PSMG2: variants seen among roughly 807,000 people sequenced by gnomAD.
The protein encoded by PSMG2 is CD40 ligand-activated specific transcript 3.
A neutral mutation model predicts 31.5 loss-of-function variants in PSMG2; 21 were observed. The observed-to-expected ratio is 0.67, with a 90% CI of 0.47 to 0.96. The LOEUF (loss-of-function observed/expected upper bound fraction) is 0.96, where lower values mean the gene tolerates loss of function less well. PSMG2 is among the 40% of genes least tolerant of loss of function. The probability of loss-of-function intolerance (pLI) is 0.00; values close to 1 mark genes in which losing one functional copy is unlikely to be tolerated. For missense variants in PSMG2, 318 were observed against 321.2 expected, an observed-to-expected ratio of 0.99 and a Z score of 0.08; for synonymous variants, 120 against 110.4, an observed-to-expected ratio of 1.09 and a Z score of -0.54.
At chr18:12,691,974 C>T (rs1040435197) in intron 1 of PSMG2, among the ~76,000 whole-genome samples, 1 of 152,112 alleles carries the variant, frequency 6.6e-6, no homozygotes, top group African/African-American at 2.4e-5. Flanking sequence ...CCGCCTTGGC[C>T]TCCCAAAGTG....
Position 12,718,631 on chromosome 18 carries a change from C to T in PSMG2, c.403C>T (p.Arg135Cys), listed in dbSNP as rs201518631. ...HSYQRNDLQL[R>C]STPFRYLLTP... is the part of the protein sequence containing the mutation. Reference sequence around the variant, plus strand: ...ATATCAGCGTAATGATCTGCAGCTTCGTAGGTATGTTTCTGCCTCTGGAAA... The same window carrying T: ...ATATCAGCGTAATGATCTGCAGCTTTGTAGGTATGTTTCTGCCTCTGGAAA... Residue 135 changes from arginine (R) to cysteine (C), a missense_variant, in exon 4 of 7, where the codon CGT becomes TGT. Physicochemically the swap from Arg to Cys is radical, Grantham distance 180. Transcript: ENST00000317615. The T allele has an allele frequency of 7.5e-6, 12 of 1,592,878 alleles. No individual in the cohort carries two copies. Among genetic ancestry groups the T allele is most frequent in the South Asian group, 1.1e-5 (1 of 88,872 alleles).
At position 12,694,354 on chromosome 18, in the gene PSMG2, GAGAACCATTCCACA is replaced by G. The variant is rs1304733316; in HGVS notation, c.-36-12193_-36-12180del. The stretch of plus-strand genomic sequence containing the variant: ...GTAAAGGGTGGTGTATGTAATCAAG[GAGAACCATTCCACA>G]AGTGCCATCCCGGCAAGTCAGCAGA... On this transcript the variant is annotated intron_variant, in intron 1 of 6. Coordinates refer to the PSMG2 transcript ENST00000585331. 2.6e-5 allele frequency among the ~76,000 whole-genome samples: 4 copies of G among 152,294 alleles called. No homozygotes were observed. The East Asian group carries it at 5.8e-4, about 22-fold the overall frequency.
Position 12,706,535 on chromosome 18 carries a change from C to G in PSMG2, c.58-15C>G. On this transcript the variant is annotated splice_polypyrimidine_tract_variant and intron_variant, in intron 1 of 6. Transcript: ENST00000317615. ...AATTTTGGTGACTTACTGAACATAT[C>G]TTTTATAATTTCAGCCAGCAGTATC... 1 of 1,612,348 alleles carries G rather than the reference C, an allele frequency of 6.2e-7. No homozygotes were observed. Among genetic ancestry groups the G allele is most frequent in the Non-Finnish European group, 8.5e-7 (1 of 1,179,518 alleles).
At chr18:12,690,873 G>T (rs1216835971) in intron 1 of PSMG2, among the ~76,000 whole-genome samples, 1 of 152,002 alleles carries the variant, frequency 6.6e-6, no homozygotes, top group East Asian at 1.9e-4. Flanking sequence ...CTGGTCACTG[G>T]CTTAGAAGTC....
At chr18:12,688,221 T>C (rs1598641799) in intron 1 of PSMG2, among the ~76,000 whole-genome samples, 1 of 107,554 alleles carries the variant, frequency 9.3e-6, no homozygotes, top group Non-Finnish European at 1.7e-5. Context: ...AGAGCGAGAC[T>C]CCATCTCAAA....
Position 12,720,599 on chromosome 18 carries a change from G to A in PSMG2, c.497G>A (p.Ser166Asn). The A allele has an allele frequency of 1.9e-6, 3 of 1,613,800 alleles. No homozygotes were observed. Among genetic ancestry groups the A allele is most frequent in the Non-Finnish European group, 2.5e-6 (3 of 1,179,844 alleles). Reference sequence around the variant, plus strand: ...CTTAACTGGGAAGAAATGGAAAAAAGCCGGTGCATTCCTGAAATAGATGAT... The same window carrying A: ...CTTAACTGGGAAGAAATGGAAAAAAACCGGTGCATTCCTGAAATAGATGAT... ...KSLNWEEMEK[S>N]RCIPEIDDSE... Residue 166 changes from serine to asparagine, a missense_variant, in exon 5 of 7, where the codon AGC becomes AAC. Coordinates refer to ENST00000317615, the MANE Select transcript of PSMG2 (RefSeq NM_020232.5).
intron 1 of PSMG2, among the ~76,000 whole-genome samples, chr18:12,662,889 A>G (rs758169124): frequency 2.6e-5 from 4 of 152,256 alleles, no homozygotes; most frequent in African/African-American, 4.8e-5. Context: ...AGGCTAAGCA[A>G]TAATCACGTT....
At chr18:12,679,326 A>G (rs576009698) in intron 1 of PSMG2, 4 of 152,280 alleles carry the variant, frequency 2.6e-5, no homozygotes, top group African/African-American at 7.2e-5. Flanking sequence ...AGTTCGAGCA[A>G]TTTGCAGTGG....
At chr18:12,664,359 C>T (rs1490275095) in intron 1 of PSMG2, among the ~76,000 whole-genome samples, 2 of 151,650 alleles carry the variant, frequency 1.3e-5, no homozygotes, top group East Asian at 2.0e-4. Context: ...CTGGCTAACA[C>T]GGTGAAACCT....
At chr18:12,719,151 TCTGC>T (rs2145148919) in intron 4 of PSMG2, among the ~76,000 whole-genome samples, 1 of 152,072 alleles carries the variant, frequency 6.6e-6, no homozygotes, top group East Asian at 1.9e-4. Flanking sequence ...GCTCAAGCAG[TCTGC>T]CTGCCTCAGC....
chr18:12,712,831 G>A, intron 3 of PSMG2, 71 bp downstream of exon 3: 2 of 1,234,066 alleles, frequency 1.6e-6, no homozygotes, highest in Non-Finnish European at 2.4e-6. Flanking sequence ...TAGGGATTAA[G>A]ATTCAAAAAT....
At chr18:12,690,382 T>C (rs2039708567) in intron 1 of PSMG2, among the ~76,000 whole-genome samples, 1 of 152,132 alleles carries the variant, frequency 6.6e-6, no homozygotes, top group Admixed American at 6.6e-5. Flanking sequence ...AGCATCTGTA[T>C]GAGGCTGAAT....
At chr18:12,673,101 G>T in intron 1 of PSMG2, 1 of 1,029,020 alleles carries the variant, frequency 9.7e-7, no homozygotes, top group Non-Finnish European at 1.2e-6. Flanking sequence ...ACTGATAACT[G>T]TAAACAAAGT....
At chr18:12,697,388 C>G in intron 1 of PSMG2, 6 of 1,610,030 alleles carry the variant, frequency 3.7e-6, no homozygotes, top group Non-Finnish European at 5.1e-6. Flanking sequence ...GTTGTTGAAT[C>G]AGCCATTCTA....
At chr18:12,674,702 G>A (rs1226665606) in intron 1 of PSMG2, 1 of 1,613,954 alleles carries the variant, frequency 6.2e-7, no homozygotes, top group African/African-American at 1.3e-5. Context: ...GCCAAAGCTG[G>A]TGATAAAAGG....
upstream of PSMG2, chr18:12,702,563 T>A: frequency 1.3e-6 from 2 of 1,555,058 alleles, no homozygotes; most frequent in Non-Finnish European, 8.7e-7. Context: ...GCAGCCGGCG[T>A]CTCCCCGCCG....
intron 1 of PSMG2, among the ~76,000 whole-genome samples, chr18:12,683,793 T>G (rs1238092260): frequency 2.6e-5 from 4 of 151,210 alleles, no homozygotes; most frequent in African/African-American, 9.7e-5. Context: ...TAGCAACACA[T>G]AGAAAAATGT....
chr18:12,694,937 G>A (rs995360063), intron 1 of PSMG2, among the ~76,000 whole-genome samples: 1 of 151,340 alleles, frequency 6.6e-6, no homozygotes, highest in Non-Finnish European at 1.5e-5. Flanking sequence ...GGATGGTCAC[G>A]ATCTCCTGAC....
intron 1 of PSMG2, chr18:12,662,088 G>A (rs1048469551): frequency 7.1e-6 from 3 of 420,138 alleles, no homozygotes; most frequent in Non-Finnish European, 4.7e-6. Flanking sequence ...GCTGCTCTGA[G>A]TCTTTCAGGG....
Sources: gnomAD v4.1 joint callset for allele counts (sites outside exome capture counted in the v4.1 genomes callset) on GRCh38, gnomAD v4.1.1 for gene constraint, MANE v1.5 for transcripts, NCBI Gene and HGNC (gene_info 2026-07-23, HGNC 2026-07-21) for gene names.